CNBD1: variants seen among roughly 807,000 people sequenced by gnomAD.
CNBD1 encodes cyclic nucleotide-binding domain-containing protein 1.
In CNBD1, 71 loss-of-function variants were observed where a neutral mutation model predicts 54.4. That is an observed-to-expected ratio of 1.30 (90% CI 1.08 to 1.59). The LOEUF (loss-of-function observed/expected upper bound fraction) is 1.59. Ranked by LOEUF, CNBD1 falls within the 40% of genes most tolerant of loss-of-function variation. The probability of loss-of-function intolerance (pLI) is 0.00; values close to 1 mark genes in which losing one functional copy is unlikely to be tolerated. For synonymous variants in CNBD1, 182 were observed against 170.7 expected (o/e 1.07, Z -0.51); for missense variants, 659 against 518.0 (o/e 1.27, Z -2.64).
At chr8:87,330,702 A>T (rs1809807498) in intron 8 of CNBD1, among the ~76,000 whole-genome samples, 1 of 152,120 alleles carries the variant, frequency 6.6e-6, no homozygotes, top group Admixed American at 6.5e-5. Context: ...TTATGGGCTG[A>T]AATGTGGTGT....
At chr8:87,016,544 G>C (rs1325797075) in intron 4 of CNBD1, among the ~76,000 whole-genome samples, 1 of 151,638 alleles carries the variant, frequency 6.6e-6, no homozygotes, top group Non-Finnish European at 1.5e-5. Flanking sequence ...GCAAAACCAT[G>C]TAACTATTTA....
chr8:87,163,676 T>C lies in CNBD1; in HGVS notation c.432-42317T>C, dbSNP rs59120115. Among the ~76,000 whole-genome samples, 883 of 152,052 alleles carry C rather than the reference T, an allele frequency of 5.8e-3. 17 individuals are homozygous for C. The highest frequency in any genetic ancestry group is 0.058 in the East Asian group (299 of 5,170). On this transcript the variant is annotated intron_variant, in intron 4 of 10. Transcript: ENST00000518476. The surrounding 1 kb of genome is among the most constrained non-coding windows in gnomAD (Gnocchi z 4.5). ...GTTGATTTTGTTTCCTGCAAATTTA[T>C]TGAATTTGCTTATTAGTTCTAACAG...
chr8:87,039,006 A>C (rs963540848), intron 4 of CNBD1, among the ~76,000 whole-genome samples: 10 of 152,208 alleles, frequency 6.6e-5, no homozygotes, highest in African/African-American at 2.4e-4. Flanking sequence ...ATAGGCTGTT[A>C]GCAGAACTCA....
At chr8:87,362,435 C>T (rs1320679855) in intron 10 of CNBD1, among the ~76,000 whole-genome samples, 1 of 152,094 alleles carries the variant, frequency 6.6e-6, no homozygotes, top group African/African-American at 2.4e-5. Context: ...TCCAAGGCAA[C>T]TTGATTATCT....
chr8:86,996,977 C>T (rs776732052), intron 4 of CNBD1, among the ~76,000 whole-genome samples: 23 of 152,130 alleles, frequency 1.5e-4, no homozygotes, highest in Non-Finnish European at 3.1e-4. Flanking sequence ...GGACATTAAT[C>T]CCATTTATAA....
intron 4 of CNBD1, among the ~76,000 whole-genome samples, chr8:87,028,628 T>A (rs1296716838): frequency 6.6e-6 from 1 of 152,122 alleles, no homozygotes; most frequent in East Asian, 1.9e-4. Flanking sequence ...AATGTAACAA[T>A]GTGTAAGAAA....
chr8:87,393,232 G>A lies in CNBD1; in HGVS notation c.214-35314G>A, dbSNP rs375663677. ...GGAGGCAGTAGTCCCCTATTTAGGA[G>A]AAAGCGAGAGAAATAATTTACTCTG... On this transcript the variant is annotated intron_variant, in intron 2 of 7. Transcript: ENST00000521593. 5.9e-5 allele frequency among the ~76,000 whole-genome samples: 9 copies of A among 151,962 alleles called. No homozygotes were observed. In the East Asian group the frequency reaches 7.8e-4, roughly 13 times the overall value.
intron 8 of CNBD1, among the ~76,000 whole-genome samples, chr8:87,295,415 C>A (rs77933285): frequency 0.14 from 21,399 of 151,348 alleles, 1,976 homozygotes; most frequent in Admixed American, 0.24. Flanking sequence ...TAAAGTACTG[C>A]TTATTTAAAT....
chr8:87,310,422 G>A (rs964410091), intron 8 of CNBD1, among the ~76,000 whole-genome samples: 1 of 151,944 alleles, frequency 6.6e-6, no homozygotes, highest in African/African-American at 2.4e-5. Flanking sequence ...ATCTAACCAA[G>A]GAGGTGAAAG....
chr8:87,122,373 G>A (rs531815106), intron 4 of CNBD1, among the ~76,000 whole-genome samples: 1 of 151,866 alleles, frequency 6.6e-6, no homozygotes, highest in African/African-American at 2.4e-5. Flanking sequence ...TTCTGCTCAG[G>A]AACTTTGCCC....
intron 4 of CNBD1, among the ~76,000 whole-genome samples, chr8:87,032,855 C>T (rs1175353260): frequency 6.6e-6 from 1 of 152,176 alleles, no homozygotes; most frequent in African/African-American, 2.4e-5. Context: ...TTTACATCTT[C>T]CTCATTGTCA....
intron 4 of CNBD1, among the ~76,000 whole-genome samples, chr8:86,988,149 T>G (rs1300461542): frequency 1.3e-5 from 2 of 151,374 alleles, no homozygotes; most frequent in African/African-American, 2.4e-5. Flanking sequence ...ATAGGTTTTT[T>G]TTTTTTTTTT....
At chr8:87,329,675 A>T (rs1461657616) in intron 8 of CNBD1, among the ~76,000 whole-genome samples, 9 of 152,008 alleles carry the variant, frequency 5.9e-5, no homozygotes, top group African/African-American at 2.2e-4. Context: ...AAATAATATT[A>T]TGTTTTTAAT....
chr8:87,248,361 G>A (rs114863147), intron 6 of CNBD1, among the ~76,000 whole-genome samples: 3,435 of 152,294 alleles, frequency 0.023, 122 homozygotes, highest in African/African-American at 0.072. Context: ...TTAGTAGCAG[G>A]TAGGATCAAC....
chr8:87,374,000 G>C (rs1231344497), intron 10 of CNBD1, among the ~76,000 whole-genome samples: 1 of 151,576 alleles, frequency 6.6e-6, no homozygotes, highest in East Asian at 1.9e-4. Context: ...TACAGCTACT[G>C]GTAATTACAA....
At chr8:87,233,846 T>A (rs1316563737) in intron 5 of CNBD1, among the ~76,000 whole-genome samples, 1 of 152,212 alleles carries the variant, frequency 6.6e-6, no homozygotes, top group Non-Finnish European at 1.5e-5. Flanking sequence ...AAAAGACTTA[T>A]CTGTAGCATG....
chr8:87,373,636 T>A (rs889852156), intron 10 of CNBD1, among the ~76,000 whole-genome samples: 1 of 151,834 alleles, frequency 6.6e-6, no homozygotes, highest in African/African-American at 2.4e-5. Context: ...TCTAATTGTC[T>A]GTAGATGAAA....
intron 5 of CNBD1, among the ~76,000 whole-genome samples, chr8:87,226,038 G>T (rs1282400365): frequency 6.6e-6 from 1 of 151,746 alleles, no homozygotes; most frequent in Admixed American, 6.6e-5. Flanking sequence ...AGAGGTGTTT[G>T]TAGTATTCTC....
intron 3 of CNBD1, among the ~76,000 whole-genome samples, chr8:86,926,225 C>T (rs1809358245): frequency 6.6e-6 from 1 of 152,186 alleles, no homozygotes; most frequent in South Asian, 2.1e-4. Context: ...CCCCTCTCAA[C>T]TGCTGTTGAG....
Sources: gnomAD v4.1 joint callset for allele counts (sites outside exome capture counted in the v4.1 genomes callset) on GRCh38, gnomAD v4.1.1 for gene constraint, Gnocchi (gnomAD v3.1) non-coding constraint, MANE v1.5 for transcripts, NCBI Gene and HGNC (gene_info 2026-07-23, HGNC 2026-07-21) for gene names.